ATXN1: variants seen among roughly 807,000 people sequenced by gnomAD.
ATXN1 encodes ataxin-1.
ATXN1 carries 8 observed loss-of-function variants against 56.4 expected under a neutral mutation model. That is an observed-to-expected ratio of 0.14 (90% CI 0.08 to 0.26). ATXN1 has a LOEUF of 0.26. ATXN1 is among the 10% of genes least tolerant of loss of function. ATXN1 has a pLI of 1.00. For synonymous variants in ATXN1, 514 were observed against 494.6 expected, an observed-to-expected ratio of 1.04 and a Z score of -0.52; for missense variants, 987 against 1,106.5, an observed-to-expected ratio of 0.89 and a Z score of 1.53.
chr6:16,443,688 G>A (rs1005369276), intron 6 of ATXN1, among the ~76,000 whole-genome samples: 2 of 152,228 alleles, frequency 1.3e-5, no homozygotes, highest in Non-Finnish European at 2.9e-5. Flanking sequence ...AAGTAAATGA[G>A]TAAATTGTGT....
intron 2 of ATXN1, among the ~76,000 whole-genome samples, chr6:16,730,375 C>T (rs972573626): frequency 5.9e-5 from 9 of 151,632 alleles, no homozygotes; most frequent in Admixed American, 2.6e-4. Context: ...TTTGTTACTG[C>T]TTGATTACAA....
chr6:16,655,816 G>A (rs190049456), intron 3 of ATXN1, among the ~76,000 whole-genome samples: 20 of 152,026 alleles, frequency 1.3e-4, no homozygotes, highest in Admixed American at 1.1e-3. Context: ...CGGGCCGGGT[G>A]CAGTGGTTCA....
intron 4 of ATXN1, among the ~76,000 whole-genome samples, chr6:16,541,128 G>A (rs960598288): frequency 1.4e-4 from 21 of 152,126 alleles, no homozygotes; most frequent in Non-Finnish European, 2.5e-4. Context: ...AAGCTGCCCC[G>A]CTGCCCCGGT....
rs556452892 is a variant in ATXN1 at position 16,301,627 on chromosome 6, A to C, written c.*4702T>G. Reference sequence around the variant, plus strand: ...AAAAAGTGTAATTCTCTCCTTTCACATCACCACCGAAGAAACCGAATTGGG... The same window carrying C: ...AAAAAGTGTAATTCTCTCCTTTCACCTCACCACCGAAGAAACCGAATTGGG... On this transcript the variant is annotated 3_prime_UTR_variant, in exon 8 of 8. Transcript: ENST00000436367. 1 of 152,546 alleles carries C rather than the reference A, an allele frequency of 6.6e-6. No homozygotes were observed. The highest frequency in any genetic ancestry group is 1.5e-5 in the Non-Finnish European group (1 of 68,028). The allele number at this position is 152,546 out of a possible 1,614,324, so 9.4% of individuals were successfully genotyped here.
chr6:16,526,908 T>C (rs1312314719), intron 4 of ATXN1, among the ~76,000 whole-genome samples: 1 of 151,982 alleles, frequency 6.6e-6, no homozygotes, highest in Non-Finnish European at 1.5e-5. Context: ...AATGTCCTTG[T>C]TTCAGCCCAA....
chr6:16,698,890 T>A (rs1311951362), intron 2 of ATXN1, among the ~76,000 whole-genome samples: 1 of 152,214 alleles, frequency 6.6e-6, no homozygotes, highest in Non-Finnish European at 1.5e-5. Flanking sequence ...GTCCGTCCAA[T>A]TCAATAAAAT....
intron 5 of ATXN1, among the ~76,000 whole-genome samples, chr6:16,504,993 CTTT>C (rs34197922): frequency 5.9e-5 from 8 of 135,270 alleles, no homozygotes; most frequent in Admixed American, 7.5e-5. Flanking sequence ...CTCCTGTTTC[CTTT>C]TTTTTTTTTT....
In ATXN1 at chr6:16,492,498, T is replaced by C. The variant is rs1466591099; in HGVS notation, c.-298-6389A>G. On this transcript the variant is annotated intron_variant, in intron 5 of 7. Coordinates refer to ENST00000436367, the MANE Select transcript of ATXN1 (RefSeq NM_001128164.2). ...AATAAATAGGTGTTGTTTAAGTCAC[T>C]ATATTTGTAGTTTGTCATACAGCAA... Among the ~76,000 whole-genome samples, 15 of 150,434 alleles carry C rather than the reference T, an allele frequency of 1.0e-4. 1 individual carries two copies. The highest frequency in any genetic ancestry group is 2.4e-5 in the African/African-American group (1 of 41,104).
intron 3 of ATXN1, among the ~76,000 whole-genome samples, chr6:16,588,602 G>A (rs1762669497): frequency 6.6e-6 from 1 of 152,144 alleles, no homozygotes; most frequent in African/African-American, 2.4e-5. Flanking sequence ...TAGTCATTTT[G>A]TAACTTTTAC....
At chr6:16,461,980 T>C (rs1329692801) in intron 6 of ATXN1, among the ~76,000 whole-genome samples, 1 of 152,194 alleles carries the variant, frequency 6.6e-6, no homozygotes, top group African/African-American at 2.4e-5. Context: ...GATGACCTTT[T>C]CTCACAAATG....
At chr6:16,389,347 G>GAA (rs66826504) in intron 6 of ATXN1, among the ~76,000 whole-genome samples, 1 of 127,770 alleles carries the variant, frequency 7.8e-6, no homozygotes, top group African/African-American at 2.9e-5. Context: ...CAAAAAAAAA[G>GAA]AAAAAAAAAA....
chr6:16,432,264 C>A (rs1022330840), intron 6 of ATXN1, among the ~76,000 whole-genome samples: 1 of 152,212 alleles, frequency 6.6e-6, no homozygotes, highest in Non-Finnish European at 1.5e-5. Context: ...CAGGGCTCTA[C>A]CACCAGTACA....
At chr6:16,720,997 T>C (rs374577951) in intron 2 of ATXN1, among the ~76,000 whole-genome samples, 63 of 152,342 alleles carry the variant, frequency 4.1e-4, no homozygotes, top group Admixed American at 1.0e-3. Context: ...TGTCAAGACT[T>C]GTGCAGATGT....
intron 6 of ATXN1, among the ~76,000 whole-genome samples, chr6:16,467,498 G>T (rs145136167): frequency 6.6e-6 from 1 of 152,148 alleles, no homozygotes; most frequent in African/African-American, 2.4e-5. Context: ...GTGTTTCTTC[G>T]GGTGGGGGAT....
intron 6 of ATXN1, among the ~76,000 whole-genome samples, chr6:16,433,306 A>G (rs1233428924): frequency 6.6e-6 from 1 of 152,166 alleles, no homozygotes; most frequent in African/African-American, 2.4e-5. Context: ...GGTGATCCAC[A>G]CCTTCTGAAT....
intron 3 of ATXN1, among the ~76,000 whole-genome samples, chr6:16,619,616 G>A (rs945278207): frequency 3.9e-5 from 6 of 152,130 alleles, no homozygotes; most frequent in Admixed American, 2.6e-4. Flanking sequence ...CATATTTATC[G>A]TATGCGTGAT....
intron 5 of ATXN1, among the ~76,000 whole-genome samples, chr6:16,491,618 A>G (rs1425981926): frequency 6.6e-6 from 1 of 152,004 alleles, no homozygotes; most frequent in African/African-American, 2.4e-5. Context: ...ATTTTTAGTT[A>G]TATTATGATA....
At chr6:16,404,683 TGCACGCGCACTCGCGCGCGCGC>T (rs1758647668) in intron 6 of ATXN1, among the ~76,000 whole-genome samples, 1 of 152,150 alleles carries the variant, frequency 6.6e-6, no homozygotes, top group Non-Finnish European at 1.5e-5. Flanking sequence ...CATACGCACA[TGCACGCGCACTCGCGCGCGCGC>T]ACACACGCAC....
intron 6 of ATXN1, among the ~76,000 whole-genome samples, chr6:16,407,889 A>G (rs1758716968): frequency 6.6e-6 from 1 of 152,140 alleles, no homozygotes; most frequent in Non-Finnish European, 1.5e-5. Context: ...GTGACAGGAA[A>G]CCTGCCAGGG....
Sources: allele counts gnomAD v4.1 joint callset (sites outside exome capture counted in the v4.1 genomes callset), GRCh38; gene constraint gnomAD v4.1.1; transcripts MANE v1.5; gene names NCBI Gene and HGNC (gene_info 2026-07-23, HGNC 2026-07-21).